The following CLIC5 variants were observed in gnomAD, a reference collection of about 807,000 sequenced individuals.
The protein encoded by CLIC5 is CLIC family member 5.
A neutral mutation model predicts 24.7 loss-of-function variants in CLIC5; 20 were observed. The ratio of observed to expected loss-of-function variants is 0.81; its 90% confidence interval spans 0.57 to 1.18. CLIC5 has a LOEUF of 1.18. Among genes scored for constraint, CLIC5 ranks in the 50% most tolerant of loss-of-function variants. The probability of loss-of-function intolerance (pLI) is 0.00; values close to 1 mark genes in which losing one functional copy is unlikely to be tolerated. For synonymous variants in CLIC5, 159 were observed against 135.6 expected (o/e 1.17, Z -1.20); for missense variants, 341 against 326.1 (o/e 1.05, Z -0.35).
chr6:45,949,587 GTC>G (rs1473382271), intron 2 of CLIC5, among the ~76,000 whole-genome samples: 1 of 152,162 alleles, frequency 6.6e-6, no homozygotes. Flanking sequence ...GTCCAGTGGA[GTC>G]AGTGAGAGAG....
At chr6:46,006,460 A>G (rs1055245096) in intron 1 of CLIC5, among the ~76,000 whole-genome samples, 1 of 151,612 alleles carries the variant, frequency 6.6e-6, no homozygotes, top group African/African-American at 2.4e-5. Context: ...TTACATTTTT[A>G]TCTGCCTTCC....
chr6:46,069,227 G>T (rs1762522142), intron 1 of CLIC5, among the ~76,000 whole-genome samples: 2 of 152,078 alleles, frequency 1.3e-5, no homozygotes, highest in Non-Finnish European at 2.9e-5. Context: ...AAACTTTTAT[G>T]CATTCGCTCC....
chr6:46,127,872 C>A, the CLIC5 span, among the ~76,000 whole-genome samples: 2 of 152,132 alleles, frequency 1.3e-5, no homozygotes, highest in African/African-American at 4.8e-5. Flanking sequence ...TTCTATCACC[C>A]AGTGGAAGTG....
intron 6 of CLIC5, among the ~76,000 whole-genome samples, chr6:45,889,688 A>T (rs766061824): frequency 6.6e-6 from 1 of 152,200 alleles, no homozygotes; most frequent in Non-Finnish European, 1.5e-5. Flanking sequence ...GTGTTCTAGC[A>T]TCTTTTGAGT....
At chr6:46,012,520 A>G (rs749059061) in intron 1 of CLIC5, among the ~76,000 whole-genome samples, 2 of 152,274 alleles carry the variant, frequency 1.3e-5, no homozygotes, top group Non-Finnish European at 2.9e-5. Flanking sequence ...GAAGCATTCT[A>G]TGAACACATT....
At chr6:46,003,826 C>T (rs1246015724) in intron 1 of CLIC5, among the ~76,000 whole-genome samples, 2 of 152,182 alleles carry the variant, frequency 1.3e-5, no homozygotes, top group East Asian at 1.9e-4. Flanking sequence ...AGGTGGTTCT[C>T]ATGCCTGTGC....
chr6:45,982,080 T>C (rs1417917736), intron 1 of CLIC5, among the ~76,000 whole-genome samples: 2 of 151,996 alleles, frequency 1.3e-5, no homozygotes, highest in African/African-American at 4.8e-5. Context: ...TGTTGGAAGA[T>C]GGCAAAGACA....
the CLIC5 span, among the ~76,000 whole-genome samples, chr6:46,119,880 T>A: frequency 0.023 from 3,532 of 151,396 alleles, 138 homozygotes; most frequent in African/African-American, 0.08. Flanking sequence ...GCAGCGAGGG[T>A]GGGGGAGGGG....
the CLIC5 span, among the ~76,000 whole-genome samples, chr6:46,121,325 C>A: frequency 3.9e-5 from 6 of 152,264 alleles, no homozygotes; most frequent in African/African-American, 1.4e-4. Context: ...CATATCCAGC[C>A]AAACTAAGCT....
intron 1 of CLIC5, among the ~76,000 whole-genome samples, chr6:45,984,344 C>G (rs946511409): frequency 6.6e-6 from 1 of 152,238 alleles, no homozygotes; most frequent in East Asian, 1.9e-4. Flanking sequence ...GTCACCTGTG[C>G]TATCCCTGGA....
chr6:46,094,266 C>T, the CLIC5 span, among the ~76,000 whole-genome samples: 8 of 152,134 alleles, frequency 5.3e-5, no homozygotes, highest in Non-Finnish European at 8.8e-5. Flanking sequence ...CTGGCTCCTT[C>T]GAAATCTCAT....
chr6:45,890,612 C>T (rs1389406835), intron 6 of CLIC5, among the ~76,000 whole-genome samples: 1 of 152,128 alleles, frequency 6.6e-6, no homozygotes, highest in Non-Finnish European at 1.5e-5. Flanking sequence ...TGTCTGCACT[C>T]CCATGTTCAT....
At chr6:46,122,028 G>C in the CLIC5 span, among the ~76,000 whole-genome samples, 1 of 152,140 alleles carries the variant, frequency 6.6e-6, no homozygotes, top group African/African-American at 2.4e-5. Flanking sequence ...CAACGAGAGA[G>C]AAAGTTAACA....
At chr6:45,907,978 T>C (rs1265706578) in intron 5 of CLIC5, among the ~76,000 whole-genome samples, 1 of 152,188 alleles carries the variant, frequency 6.6e-6, no homozygotes, top group Non-Finnish European at 1.5e-5. Flanking sequence ...CCTTGTCTTG[T>C]TACAGTTTTC....
In CLIC5 at chr6:45,903,061, A is replaced by G. The variant is rs1396033893; in HGVS notation, c.*27T>C. On this transcript the variant is annotated 3_prime_UTR_variant, in exon 6 of 6. Transcript: ENST00000339561. ...TAGGGGAGTGGTTGAGTCCTTCTGC[A>G]GCGGGGATGGGGCAAAATGGCTGTG... 1 of 1,613,576 alleles carries G rather than the reference A, an allele frequency of 6.2e-7. No homozygotes were observed. Among genetic ancestry groups the G allele is most frequent in the Non-Finnish European group, 8.5e-7 (1 of 1,179,804 alleles).
chr6:45,892,105 C>T (rs922201557), intron 6 of CLIC5: 13 of 152,154 alleles, frequency 8.5e-5, no homozygotes, highest in Admixed American at 3.9e-4. Flanking sequence ...GCCTTCCTGA[C>T]CGAGGAAGAC....
intron 3 of CLIC5, among the ~76,000 whole-genome samples, chr6:45,945,766 G>A (rs1440518681): frequency 6.6e-6 from 1 of 152,138 alleles, no homozygotes; most frequent in Non-Finnish European, 1.5e-5. Context: ...CTCCCAGAGG[G>A]TCAGAACTTT....
intron 1 of CLIC5, among the ~76,000 whole-genome samples, chr6:46,049,164 G>A (rs547448964): frequency 8.5e-5 from 13 of 152,290 alleles, no homozygotes; most frequent in African/African-American, 3.1e-4. Context: ...CTGCTCCACA[G>A]GAAAACTTGT....
the CLIC5 span, among the ~76,000 whole-genome samples, chr6:46,099,801 C>T: frequency 6.6e-6 from 1 of 152,104 alleles, no homozygotes; most frequent in Non-Finnish European, 1.5e-5. Context: ...CTGTGTCTAT[C>T]TCTCTGGGGA....
Sources: gnomAD v4.1 joint callset for allele counts (sites outside exome capture counted in the v4.1 genomes callset) on GRCh38, gnomAD v4.1.1 for gene constraint, MANE v1.5 for transcripts, NCBI Gene and HGNC (gene_info 2026-07-23, HGNC 2026-07-21) for gene names.